The following TXN variants were observed in gnomAD, a reference collection of about 807,000 sequenced individuals.
TXN encodes the protein thioredoxin, also known as ADF.
In TXN, 10 loss-of-function variants were observed where a neutral mutation model predicts 16.5. That is an observed-to-expected ratio of 0.61 (90% CI 0.37 to 1.03). TXN has a LOEUF of 1.03. Among genes scored for constraint, TXN ranks in the 50% least tolerant of loss-of-function variants. The pLI is 0.01. For missense variants in TXN, 71 were observed against 122.5 expected (o/e 0.58, Z 1.98); for synonymous variants, 35 against 39.4 (o/e 0.89, Z 0.42).
chr9:110,255,895 G>A (rs4135160), intron 1 of TXN, among the ~76,000 whole-genome samples: 41 of 152,054 alleles, frequency 2.7e-4, no homozygotes, highest in African/African-American at 9.2e-4. Flanking sequence ...CTTCACATAC[G>A]GAAAGGCAGC....
chr9:110,251,003 A>T, intron 2 of TXN, 124 bp from the exon 3 acceptor site: 1 of 710,732 alleles, frequency 1.4e-6, no homozygotes, highest in Non-Finnish European at 2.3e-6. Context: ...AAAAATTTAG[A>T]TCTTTGGAGA....
In TXN at chr9:110,254,305, G is replaced by T. The variant is rs573144555; in HGVS notation, c.24+2107C>A. Among the ~76,000 whole-genome samples the T allele has an allele frequency of 2.6e-5, 4 of 152,344 alleles. No individual in the cohort carries two copies. In the South Asian group the frequency reaches 8.3e-4, roughly 32 times the overall value. ...GGAGCCTGAGGTTGGTGGATCACCTGAAGTCAGGAGTTCGAGACAAACCTG... is the reference window on the plus strand; with the variant it reads ...GGAGCCTGAGGTTGGTGGATCACCTTAAGTCAGGAGTTCGAGACAAACCTG... On this transcript the variant is annotated intron_variant, in intron 1 of 4. Transcript: ENST00000374517.
At chr9:110,253,357 A>AGC (rs769862421) in intron 1 of TXN, among the ~76,000 whole-genome samples, 20 of 152,200 alleles carry the variant, frequency 1.3e-4, no homozygotes, top group Non-Finnish European at 2.5e-4. Context: ...GGAGAGCTGC[A>AGC]GCAGGGTACA....
intron 2 of TXN, 23 bp from the exon 3 acceptor site, chr9:110,250,902 T>C (rs757994621): frequency 6.3e-7 from 1 of 1,586,316 alleles, no homozygotes; most frequent in Non-Finnish European, 8.6e-7. Context: ...AAATGAAAAA[T>C]CCAAAAAGAT....
At chr9:110,245,644 ATATATATATATTT>A (rs1837644728) in intron 3 of TXN, among the ~76,000 whole-genome samples, 2 of 27,606 alleles carry the variant, frequency 7.2e-5, no homozygotes, top group African/African-American at 2.1e-4. Flanking sequence ...ATATATATAT[ATATATATATATTT>A]TTTTTTTTTT....
chr9:110,248,232 A>C (rs1051181109), intron 3 of TXN, among the ~76,000 whole-genome samples: 1 of 152,230 alleles, frequency 6.6e-6, no homozygotes, highest in Non-Finnish European at 1.5e-5. Flanking sequence ...TACAGTGTTT[A>C]TAACGTCTAC....
intron 3 of TXN, among the ~76,000 whole-genome samples, chr9:110,245,579 TTG>T (rs1261980342): frequency 7.5e-5 from 8 of 106,998 alleles, no homozygotes; most frequent in African/African-American, 1.8e-4. Context: ...CTGGCTAATT[TTG>T]TGTGTGTGTG....
intron 1 of TXN, among the ~76,000 whole-genome samples, chr9:110,255,700 C>T (rs1216024624): frequency 6.6e-6 from 1 of 152,202 alleles, no homozygotes; most frequent in Non-Finnish European, 1.5e-5. Flanking sequence ...CTCGCGGTCA[C>T]CTGGGGCCCT....
At position 110,256,283 on chromosome 9, in the gene TXN, C is replaced by T. The variant is rs1346357585; in HGVS notation, c.24+129G>A. On this transcript the variant is annotated intron_variant, in intron 1 of 4. Transcript: ENST00000374517. The surrounding 1 kb of genome is among the most constrained non-coding windows in gnomAD (Gnocchi z 4.2). The stretch of plus-strand genomic sequence containing the variant: ...CCAGGCCGAGACGCCGCGTCCCTTT[C>T]CCCTGGCGATGCGGAGGGGCGGCCT... 4 of 1,043,174 alleles carry T rather than the reference C, an allele frequency of 3.8e-6. No individual in the cohort carries two copies. The highest frequency in any genetic ancestry group is 5.7e-6 in the Non-Finnish European group (4 of 704,792). 64.6% of individuals were successfully genotyped at this position (1,043,174 alleles called of 1,614,324 possible). A position where few individuals can be genotyped will look rare whatever the true frequency, so the allele number is the denominator to read the frequency against.
rs146018216 is a variant in TXN, at chr9:110,251,437, G to A, written c.50C>T (p.Ala17Val). ...SKTAFQEALD[A>V]AGDKLVVVDF... The stretch of plus-strand genomic sequence containing the variant: ...AACTACTACAAGTTTATCACCTGCA[G>A]CGTCCAAGGCTTCCTGAAAAGCAGT... The change falls in exon 2 of 5, where the codon GCT (alanine) becomes GTT (valine). Residue 17 changes from alanine (A) to valine (V), a missense_variant. By Grantham distance (64) the Ala-to-Val change is moderately conservative. Coordinates refer to ENST00000374517, the MANE Select transcript of TXN (RefSeq NM_003329.4). The A allele has an allele frequency of 1.1e-3, 1,765 of 1,611,658 alleles. 4 individuals are homozygous for A. Among genetic ancestry groups the A allele is most frequent in the Non-Finnish European group, 1.4e-3 (1,623 of 1,179,560 alleles).
intron 3 of TXN, 85 bp downstream of exon 3, chr9:110,250,735 T>C (rs1837722358): frequency 3.8e-6 from 4 of 1,054,654 alleles, no homozygotes; most frequent in Non-Finnish European, 4.3e-6. Flanking sequence ...TTATTTGACA[T>C]ATTTATGGAA....
chr9:110,248,548 T>C (rs1018922843), intron 3 of TXN, among the ~76,000 whole-genome samples: 2 of 152,114 alleles, frequency 1.3e-5, no homozygotes. Flanking sequence ...AAGTACACTC[T>C]ATGTGTGCAC....
At chr9:110,252,220 T>A (rs1837748509) in intron 1 of TXN, among the ~76,000 whole-genome samples, 1 of 44,810 alleles carries the variant, frequency 2.2e-5, no homozygotes, top group Admixed American at 3.0e-4. Flanking sequence ...GGAGACTCTG[T>A]CGCAAAAAAA....
intron 3 of TXN, 110 bp from the exon 4 acceptor site, chr9:110,244,953 T>C (rs767022569): frequency 5.5e-5 from 41 of 745,560 alleles, no homozygotes; most frequent in Non-Finnish European, 8.1e-5. Flanking sequence ...TACCCCACAT[T>C]TCCGCATGAG....
At chr9:110,249,157 A>AAAAAAAAAAAC (rs1837695455) in intron 3 of TXN, among the ~76,000 whole-genome samples, 1 of 132,344 alleles carries the variant, frequency 7.6e-6, no homozygotes, top group African/African-American at 2.7e-5. Flanking sequence ...AAAAAAAAAA[A>AAAAAAAAAAAC]AATCAAGTTG....
At position 110,253,893 on chromosome 9, in the gene TXN, G is replaced by A. The variant is rs565108216; in HGVS notation, c.25-2431C>T. On this transcript the variant is annotated intron_variant, in intron 1 of 4. Coordinates refer to ENST00000374517, the MANE Select transcript of TXN (RefSeq NM_003329.4). ...CATCACTGACACCAATAATCTGGGG[G>A]AAGCAGAACAGTGTAGTTGGGGTAA... is the stretch of plus-strand genomic sequence containing the variant. Among the ~76,000 whole-genome samples the A allele has an allele frequency of 5.9e-5, 9 of 152,094 alleles. No homozygotes were observed. The South Asian group carries it at 1.9e-3, about 32-fold the overall frequency.
intron 3 of TXN, among the ~76,000 whole-genome samples, chr9:110,247,472 T>C (rs1361547942): frequency 6.6e-6 from 1 of 152,172 alleles, no homozygotes; most frequent in Non-Finnish European, 1.5e-5. Flanking sequence ...AGATTGCATA[T>C]ATGTGGTGGT....
intron 3 of TXN, among the ~76,000 whole-genome samples, chr9:110,247,540 ATAGCCCATCGCAT>A (rs1347314280): frequency 1.3e-5 from 2 of 152,178 alleles, no homozygotes; most frequent in African/African-American, 4.8e-5. Context: ...GGTTAATGTC[ATAGCCCATCGCAT>A]TAGCTGGTGC....
chr9:110,246,180 G>A (rs1292940862), intron 3 of TXN, among the ~76,000 whole-genome samples: 1 of 152,058 alleles, frequency 6.6e-6, no homozygotes, highest in Non-Finnish European at 1.5e-5. Flanking sequence ...AGTTAAAGTC[G>A]GGCTTCAGGT....
Sources: gnomAD v4.1 joint callset for allele counts (sites outside exome capture counted in the v4.1 genomes callset) on GRCh38, gnomAD v4.1.1 for gene constraint, Gnocchi (gnomAD v3.1) non-coding constraint, MANE v1.5 for transcripts, NCBI Gene and HGNC (gene_info 2026-07-23, HGNC 2026-07-21) for gene names.